The following FAM200B variants were observed in gnomAD, a reference collection of about 807,000 sequenced individuals.
FAM200B encodes the protein protein FAM200B.
FAM200B carries 32 observed loss-of-function variants against 33.1 expected under a neutral mutation model. The observed-to-expected ratio is 0.97, with a 90% CI of 0.73 to 1.30. The LOEUF is 1.30. FAM200B is among the 50% of genes most tolerant of loss of function. The pLI is 0.00. For missense variants in FAM200B, 741 were observed against 754.0 expected (o/e 0.98, Z 0.20); for synonymous variants, 240 against 264.8 (o/e 0.91, Z 0.91).
At chr4:15,658,716 G>C in the FAM200B span, among the ~76,000 whole-genome samples, 2 of 152,106 alleles carry the variant, frequency 1.3e-5, no homozygotes, top group Non-Finnish European at 1.5e-5. Context: ...AAATTACCCA[G>C]TTTCAGGTAT....
the FAM200B span, chr4:15,656,123 G>A: frequency 2.2e-6 from 1 of 454,518 alleles, no homozygotes; most frequent in South Asian, 1.6e-5. Context: ...GACGGGCCTT[G>A]GGGGTGGGGA....
the FAM200B span, chr4:15,656,189 A>G: frequency 5.3e-5 from 24 of 456,118 alleles, no homozygotes; most frequent in African/African-American, 1.0e-4. Flanking sequence ...AAATCCCGCC[A>G]TTTTAAGCGG....
At chr4:15,680,161 C>T (rs1022171718), upstream of FAM200B, among the ~76,000 whole-genome samples, 3 of 151,356 alleles carry the variant, frequency 2.0e-5, no homozygotes, top group African/African-American at 7.3e-5. Flanking sequence ...GAAGGAGAGA[C>T]CGAGTGAAAT....
chr4:15,672,057 A>C, the FAM200B span, among the ~76,000 whole-genome samples: 2 of 152,088 alleles, frequency 1.3e-5, no homozygotes, highest in African/African-American at 4.8e-5. Context: ...TAGGTGCTGG[A>C]TGTTTTTGTA....
the FAM200B span, among the ~76,000 whole-genome samples, chr4:15,667,069 C>T: frequency 6.6e-6 from 1 of 152,064 alleles, no homozygotes; most frequent in Non-Finnish European, 1.5e-5. Context: ...CATTATAAAC[C>T]ATATTTGTAC....
chr4:15,681,306 G>A (rs1257031884), upstream of FAM200B: 1 of 155,694 alleles, frequency 6.4e-6, no homozygotes. Context: ...CAGCGTCCTG[G>A]CCCCGCCAGG....
the FAM200B span, among the ~76,000 whole-genome samples, chr4:15,671,619 T>G: frequency 6.6e-6 from 1 of 152,104 alleles, no homozygotes; most frequent in African/African-American, 2.4e-5. Context: ...CATATCTTCT[T>G]GAATCTGTGG....
At chr4:15,669,076 ACCT>A in the FAM200B span, among the ~76,000 whole-genome samples, 33 of 152,286 alleles carry the variant, frequency 2.2e-4, no homozygotes, top group African/African-American at 6.7e-4. Flanking sequence ...TTTAAATATA[ACCT>A]CAGACACAAC....
chr4:15,638,938 G>GTA, the FAM200B span, among the ~76,000 whole-genome samples: 3 of 152,292 alleles, frequency 2.0e-5, no homozygotes, highest in South Asian at 2.1e-4. Flanking sequence ...GCCAAGGCGG[G>GTA]TAGGTCACCT....
the FAM200B span, among the ~76,000 whole-genome samples, chr4:15,647,721 A>G: frequency 6.6e-6 from 1 of 152,230 alleles, no homozygotes; most frequent in African/African-American, 2.4e-5. Context: ...CTAGCACAGT[A>G]GTTAAAAGCA....
the FAM200B span, among the ~76,000 whole-genome samples, chr4:15,655,873 C>G: frequency 4.6e-5 from 7 of 152,220 alleles, no homozygotes; most frequent in Non-Finnish European, 8.8e-5. Context: ...GGCCGCCACT[C>G]AAAGGCCGGG....
Position 15,688,315 on chromosome 4 carries a change from A to G in FAM200B, c.1338A>G (p.Leu446=). 2 of 1,550,292 alleles carry G rather than the reference A, an allele frequency of 1.3e-6. No individual in the cohort carries two copies. The highest frequency in any genetic ancestry group is 1.2e-5 in the South Asian group (1 of 84,042). Reference sequence around the variant, plus strand: ...TTCTTAATGAACTGAGTTTAAAACTACAGGGGAAAAACAGTGATGTATTCC... The same window carrying G: ...TTCTTAATGAACTGAGTTTAAAACTGCAGGGGAAAAACAGTGATGTATTCC... The part of the protein sequence containing the change: ...FSILNELSLK[L]QGKNSDVFQH... Residue 446 remains leucine, a synonymous_variant, in exon 2 of 2, where the codon CTA becomes CTG. Coordinates refer to ENST00000422728, the MANE Select transcript of FAM200B (RefSeq NM_001145191.2).
At chr4:15,660,923 A>G in the FAM200B span, among the ~76,000 whole-genome samples, 1 of 152,044 alleles carries the variant, frequency 6.6e-6, no homozygotes, top group Non-Finnish European at 1.5e-5. Flanking sequence ...CTAAAAATAC[A>G]AAAATTAGCC....
rs1719163698 is a variant in FAM200B at position 15,688,969 on chromosome 4, T to C, written c.*18T>C. ...CATCATAGTAAATAAAAATCTTACC[T>C]AGCTTTTGTCTTTGTATTTCTTATT... On this transcript the variant is annotated 3_prime_UTR_variant, in exon 2 of 2. Coordinates refer to ENST00000422728, the MANE Select transcript of FAM200B (RefSeq NM_001145191.2). The C allele has an allele frequency of 7.1e-7, 1 of 1,398,984 alleles. No homozygotes were observed. The highest frequency in any genetic ancestry group is 3.2e-5 in the Admixed American group (1 of 31,542). 86.7% of individuals were successfully genotyped at this position (1,398,984 alleles called of 1,614,324 possible). A position where few individuals can be genotyped will look rare whatever the true frequency, so the allele number is the denominator to read the frequency against.
the FAM200B span, chr4:15,644,445 G>A: frequency 6.7e-7 from 1 of 1,488,010 alleles, no homozygotes; most frequent in Non-Finnish European, 9.3e-7. Flanking sequence ...TGATATACCA[G>A]AAGATGGCAC....
At chr4:15,647,566 T>TC in the FAM200B span, among the ~76,000 whole-genome samples, 3 of 152,176 alleles carry the variant, frequency 2.0e-5, no homozygotes, top group Non-Finnish European at 2.9e-5. Flanking sequence ...TTGCATATAT[T>TC]CTCATTAGAC....
chr4:15,676,741 G>A (rs1448900959), upstream of FAM200B, among the ~76,000 whole-genome samples: 2 of 152,072 alleles, frequency 1.3e-5, no homozygotes, highest in East Asian at 3.8e-4. Context: ...GTGTTGGGTT[G>A]TTGGGTTCAT....
the FAM200B span, among the ~76,000 whole-genome samples, chr4:15,674,611 T>C: frequency 6.6e-6 from 1 of 152,058 alleles, no homozygotes; most frequent in African/African-American, 2.4e-5. Context: ...TATCAACTCA[T>C]TTCTATCATC....
At chr4:15,639,547 C>T in the FAM200B span, among the ~76,000 whole-genome samples, 1 of 152,216 alleles carries the variant, frequency 6.6e-6, no homozygotes, top group Non-Finnish European at 1.5e-5. Context: ...GATGCTTAGT[C>T]TCAATCTCCA....
Sources: allele counts gnomAD v4.1 joint callset (sites outside exome capture counted in the v4.1 genomes callset), GRCh38; gene constraint gnomAD v4.1.1; transcripts MANE v1.5; gene names NCBI Gene and HGNC (gene_info 2026-07-23, HGNC 2026-07-21).